The following KCNK2 variants were observed in gnomAD, a reference collection of about 807,000 sequenced individuals.
The protein encoded by KCNK2 is potassium channel subfamily K member 2.
A neutral mutation model predicts 40.5 loss-of-function variants in KCNK2; 21 were observed. The observed-to-expected ratio is 0.52, with a 90% CI of 0.37 to 0.75. The LOEUF is 0.75. Among genes scored for constraint, KCNK2 ranks in the 30% least tolerant of loss-of-function variants. The pLI, the probability that KCNK2 is intolerant of heterozygous loss-of-function variation, is 0.00. For missense variants in KCNK2, 399 were observed against 531.6 expected, an observed-to-expected ratio of 0.75 and a Z score of 2.45; for synonymous variants, 191 against 202.2, an observed-to-expected ratio of 0.94 and a Z score of 0.47.
chr1:215,084,572 G>T (rs1430481558), intron 1 of KCNK2, among the ~76,000 whole-genome samples: 1 of 152,146 alleles, frequency 6.6e-6, no homozygotes, highest in Non-Finnish European at 1.5e-5. Context: ...AGTGATTTTA[G>T]CTATTATCAG....
At chr1:215,189,497 G>T (rs972328995) in intron 5 of KCNK2, among the ~76,000 whole-genome samples, 2 of 152,118 alleles carry the variant, frequency 1.3e-5, no homozygotes, top group African/African-American at 4.8e-5. Flanking sequence ...TTATGATCAT[G>T]AGACTGCTGT....
intron 1 of KCNK2, among the ~76,000 whole-genome samples, chr1:215,030,646 C>T (rs542225516): frequency 6.8e-4 from 103 of 151,928 alleles, no homozygotes; most frequent in African/African-American, 2.3e-3. Context: ...GTGATCCTCC[C>T]ACCTCAGCCT....
intron 3 of KCNK2, among the ~76,000 whole-genome samples, chr1:215,162,094 T>C (rs1243871406): frequency 6.6e-6 from 1 of 152,204 alleles, no homozygotes; most frequent in East Asian, 1.9e-4. Flanking sequence ...ATCTGTTTCC[T>C]GACTTTTTAA....
chr1:215,096,323 ACATTTTTTTC>A, intron 2 of KCNK2, among the ~76,000 whole-genome samples: 1 of 151,978 alleles, frequency 6.6e-6, no homozygotes, highest in South Asian at 2.1e-4. Context: ...TGATTTAGTA[ACATTTTTTTC>A]CTACTAAAAA....
intron 5 of KCNK2, among the ~76,000 whole-genome samples, chr1:215,194,058 T>C (rs1193985141): frequency 2.0e-5 from 3 of 152,156 alleles, no homozygotes; most frequent in Non-Finnish European, 4.4e-5. Context: ...TAACTGTCTA[T>C]ATGAGGATTT....
intron 5 of KCNK2, among the ~76,000 whole-genome samples, chr1:215,188,951 G>C (rs1664558385): frequency 6.6e-6 from 1 of 152,182 alleles, no homozygotes; most frequent in African/African-American, 2.4e-5. Flanking sequence ...TTAGCACTTA[G>C]TGAGAATAAT....
At chr1:215,093,877 A>G (rs1659858791) in intron 2 of KCNK2, among the ~76,000 whole-genome samples, 1 of 100,614 alleles carries the variant, frequency 9.9e-6, no homozygotes, top group Non-Finnish European at 1.9e-5. Context: ...TATATTATAT[A>G]TTATATATTA....
intron 3 of KCNK2, among the ~76,000 whole-genome samples, chr1:215,154,889 A>G (rs1007761878): frequency 1.3e-5 from 2 of 152,140 alleles, no homozygotes; most frequent in East Asian, 3.9e-4. Context: ...AGATGGTTGT[A>G]GATGTGTGGT....
intron 6 of KCNK2, among the ~76,000 whole-genome samples, chr1:215,200,454 C>T (rs907070685): frequency 1.3e-5 from 2 of 152,116 alleles, no homozygotes; most frequent in Non-Finnish European, 2.9e-5. Flanking sequence ...TGCAGTAGAT[C>T]ACTTTATCAT....
chr1:215,042,105 CG>C (rs1453844732), intron 1 of KCNK2, among the ~76,000 whole-genome samples: 1 of 152,160 alleles, frequency 6.6e-6, no homozygotes, highest in Non-Finnish European at 1.5e-5. Flanking sequence ...TTACCTCCCA[CG>C]GGTTCCCTCC....
intron 4 of KCNK2, among the ~76,000 whole-genome samples, chr1:215,170,651 T>C (rs1663668043): frequency 6.6e-6 from 1 of 152,176 alleles, no homozygotes; most frequent in African/African-American, 2.4e-5. Context: ...ATCTCAAGCA[T>C]TTTGTTCAAC....
chr1:215,007,903 G>A (rs1413713018), intron 1 of KCNK2, among the ~76,000 whole-genome samples: 2 of 152,108 alleles, frequency 1.3e-5, no homozygotes, highest in Non-Finnish European at 2.9e-5. Context: ...GTCTATTACA[G>A]TAAATTAATC....
chr1:215,099,174 A>G (rs1660105805), intron 2 of KCNK2, among the ~76,000 whole-genome samples: 1 of 151,846 alleles, frequency 6.6e-6, no homozygotes, highest in African/African-American at 2.4e-5. Context: ...CCCATCTTCC[A>G]TCCTCTGATC....
chr1:215,189,443 T>C (rs1399320775), intron 5 of KCNK2, among the ~76,000 whole-genome samples: 1 of 152,220 alleles, frequency 6.6e-6, no homozygotes, highest in South Asian at 2.1e-4. Flanking sequence ...GTTCCATCTT[T>C]ATAAAGGATG....
At chr1:215,219,723 A>G (rs1018435250) in intron 6 of KCNK2, among the ~76,000 whole-genome samples, 1 of 152,152 alleles carries the variant, frequency 6.6e-6, no homozygotes, top group Non-Finnish European at 1.5e-5. Flanking sequence ...TTTCATCATC[A>G]AACTGTCAAT....
At chr1:215,118,341 C>T (rs539522401) in intron 2 of KCNK2, among the ~76,000 whole-genome samples, 2 of 152,126 alleles carry the variant, frequency 1.3e-5, no homozygotes, top group South Asian at 2.1e-4. Context: ...AACCATAAAT[C>T]GTAATGATAC....
intron 1 of KCNK2, among the ~76,000 whole-genome samples, chr1:215,073,504 T>C (rs954874581): frequency 1.3e-5 from 2 of 152,116 alleles, no homozygotes; most frequent in African/African-American, 4.8e-5. Context: ...GAAGGATAAA[T>C]AGAACTTATT....
chr1:215,165,423 C>T (rs1663398786), intron 3 of KCNK2, among the ~76,000 whole-genome samples: 1 of 152,140 alleles, frequency 6.6e-6, no homozygotes, highest in African/African-American at 2.4e-5. Flanking sequence ...ACAAAACATT[C>T]AGAACATAGT....
Position 215,007,037 on chromosome 1 carries a change from A to ATATGTGTGTGTG in KCNK2, c.34+1083_34+1084insATGTGTGTGTGT, listed in dbSNP as rs1330420661. Among the ~76,000 whole-genome samples the ATATGTGTGTGTG allele has an allele frequency of 6.4e-4, 33 of 51,554 alleles. No individual in the cohort carries two copies. The East Asian group carries it at 0.012, about 19-fold the overall frequency. The allele number at this position is 51,554 out of a possible 152,430, so 33.8% of individuals were successfully genotyped here. A position where few individuals can be genotyped will look rare whatever the true frequency, so the allele number is the denominator to read the frequency against. On this transcript the variant is annotated intron_variant, in intron 1 of 6. Coordinates refer to the KCNK2 transcript ENST00000391895. ...TATATATATATATATATATATATAT[A>ATATGTGTGTGTG]TGTGTGTGTGTGTATATATATATGT...
Sources: gnomAD v4.1 joint callset for allele counts (sites outside exome capture counted in the v4.1 genomes callset) on GRCh38, gnomAD v4.1.1 for gene constraint, MANE v1.5 for transcripts, NCBI Gene and HGNC (gene_info 2026-07-23, HGNC 2026-07-21) for gene names.